The following ANO10 variants were observed in gnomAD, a reference collection of about 807,000 sequenced individuals.
ANO10 encodes anoctamin 10.
ANO10 carries 77 observed loss-of-function variants against 74.7 expected under a neutral mutation model. The ratio of observed to expected loss-of-function variants is 1.03; its 90% CI spans 0.86 to 1.25. ANO10 has a LOEUF of 1.25. ANO10 is among the 50% of genes most tolerant of loss of function. ANO10 has a pLI of 0.00. For synonymous variants in ANO10, 279 were observed against 284.9 expected (o/e 0.98, Z 0.21); for missense variants, 721 against 778.1 (o/e 0.93, Z 0.87).
chr3:43,498,743 G>A (rs2076999239), intron 11 of ANO10, among the ~76,000 whole-genome samples: 1 of 152,190 alleles, frequency 6.6e-6, no homozygotes, highest in Non-Finnish European at 1.5e-5. Context: ...CATCCCCAGG[G>A]AGAAGCAAAG....
rs1491260769 is a variant in ANO10, at chr3:43,386,649, G to GTGTA, written c.1915-19676_1915-19675insTACA. On this transcript the variant is annotated intron_variant, in intron 12 of 12. Transcript: ENST00000292246. Reference sequence around the variant, plus strand: ...TTGAAAGTTGTGTGTAGGTGTGTACGTGTGTGTGTGTGTGTGTGTGTGTGT... The same window carrying GTGTA: ...TTGAAAGTTGTGTGTAGGTGTGTACGTGTATGTGTGTGTGTGTGTGTGTGTGTGT... 2.9e-4 allele frequency among the ~76,000 whole-genome samples: 3 copies of GTGTA among 10,188 alleles called. No individual in the cohort carries two copies. In the East Asian group the frequency reaches 3.3e-3, roughly 11 times the overall value. The allele number at this position is 10,188 out of a possible 152,430, so 6.7% of individuals were successfully genotyped here.
chr3:43,410,550 G>A (rs1220831493), intron 12 of ANO10, among the ~76,000 whole-genome samples: 2 of 152,102 alleles, frequency 1.3e-5, no homozygotes, highest in African/African-American at 4.8e-5. Flanking sequence ...GATTGCAATG[G>A]AACCTTTTAT....
intron 11 of ANO10, among the ~76,000 whole-genome samples, chr3:43,456,177 G>A (rs768714522): frequency 6.6e-6 from 1 of 152,140 alleles, no homozygotes; most frequent in Non-Finnish European, 1.5e-5. Context: ...GTCATTAGGA[G>A]GAAAGGAAAA....
intron 12 of ANO10, among the ~76,000 whole-genome samples, chr3:43,400,087 C>T (rs1326716372): frequency 6.6e-6 from 1 of 152,130 alleles, no homozygotes; most frequent in Non-Finnish European, 1.5e-5. Flanking sequence ...ATTCTGCTTT[C>T]TATGTTACAA....
chr3:43,447,852 T>C (rs1034612787), intron 11 of ANO10, among the ~76,000 whole-genome samples: 1 of 152,240 alleles, frequency 6.6e-6, no homozygotes, highest in African/African-American at 2.4e-5. Context: ...ACTGATACTT[T>C]ATTATCAACC....
At chr3:43,510,931 T>C (rs559238687) in intron 11 of ANO10, among the ~76,000 whole-genome samples, 1 of 152,298 alleles carries the variant, frequency 6.6e-6, no homozygotes, top group East Asian at 1.9e-4. Context: ...TAGGACACAA[T>C]CATATTTAGT....
chr3:43,388,177 A>G (rs1290305431), intron 12 of ANO10, among the ~76,000 whole-genome samples: 1 of 152,206 alleles, frequency 6.6e-6, no homozygotes, highest in Non-Finnish European at 1.5e-5. Context: ...TGTGACTAAC[A>G]ACCCCTGTGT....
At chr3:43,441,379 A>G (rs2093157437) in intron 11 of ANO10, among the ~76,000 whole-genome samples, 1 of 152,084 alleles carries the variant, frequency 6.6e-6, no homozygotes, top group Admixed American at 6.6e-5. Flanking sequence ...ATAGACTACT[A>G]AGAACAATTA....
At chr3:43,414,535 C>T (rs2092709255) in intron 12 of ANO10, among the ~76,000 whole-genome samples, 1 of 152,108 alleles carries the variant, frequency 6.6e-6, no homozygotes, top group Non-Finnish European at 1.5e-5. Context: ...GACCTGATAC[C>T]ACTCTTCATT....
chr3:43,690,381 G>A (rs540682018), intron 1 of ANO10: 1 of 152,418 alleles, frequency 6.6e-6, no homozygotes, highest in African/African-American at 2.4e-5. Flanking sequence ...ACCCTCCCAG[G>A]TATCTAGAGA....
At chr3:43,690,925 CCCGGGGCGGCCCAGTCGGCCTGTCAG>C (rs1427461398) in intron 1 of ANO10, 27 of 1,505,438 alleles carry the variant, frequency 1.8e-5, no homozygotes, top group Non-Finnish European at 2.2e-5. Context: ...GCCGCGCCAG[CCCGGGGCGGCCCAGTCGGCCTGTCAG>C]CCGGCTTCGA....
At chr3:43,639,456 A>G (rs992434429) in intron 1 of ANO10, among the ~76,000 whole-genome samples, 5 of 152,180 alleles carry the variant, frequency 3.3e-5, no homozygotes, top group Non-Finnish European at 5.9e-5. Context: ...TGAAGAATCA[A>G]TTTGTGATGA....
chr3:43,535,874 T>C (rs912153863), intron 11 of ANO10, among the ~76,000 whole-genome samples: 2 of 152,174 alleles, frequency 1.3e-5, no homozygotes, highest in Non-Finnish European at 2.9e-5. Context: ...ACTTTAAAGA[T>C]TATAAAACTC....
rs1310556861 is a variant in ANO10 at position 43,643,678 on chromosome 3, C to CT, written c.-11-37816dup. ...AAGCTTTTCATGTACTTGTCCTCATCTTTTCTTTTTTTTTTTTTTTTTTTA... is the reference window on the plus strand; with the variant it reads ...AAGCTTTTCATGTACTTGTCCTCATCTTTTTCTTTTTTTTTTTTTTTTTTTA... On this transcript the variant is annotated intron_variant, in intron 1 of 3. Transcript: ENST00000413397. Among the ~76,000 whole-genome samples the CT allele has an allele frequency of 2.5e-3, 336 of 133,578 alleles. 22 individuals are homozygous for CT. Among genetic ancestry groups the CT allele is most frequent in the African/African-American group, 9.3e-3 (299 of 32,094 alleles). 87.6% of individuals were successfully genotyped at this position (133,578 alleles called of 152,430 possible).
chr3:43,472,965 G>T (rs919876156), intron 11 of ANO10, among the ~76,000 whole-genome samples: 3 of 152,052 alleles, frequency 2.0e-5, no homozygotes, highest in Admixed American at 2.0e-4. Flanking sequence ...GCAAATATAA[G>T]CAAAATGATA....
rs183090420 is a variant in ANO10, at chr3:43,615,002, T to C, written c.-12+6907A>G. Reference sequence around the variant, plus strand: ...ATTAATACTGAGATACAGACCCAACTATATTTATTAACATGGAGAGATTTC... The same window carrying C: ...ATTAATACTGAGATACAGACCCAACCATATTTATTAACATGGAGAGATTTC... On this transcript the variant is annotated intron_variant, in intron 1 of 12. Coordinates refer to ENST00000292246, the MANE Select transcript of ANO10 (RefSeq NM_018075.5). Among the ~76,000 whole-genome samples, 790 of 151,222 alleles carry C rather than the reference T, an allele frequency of 5.2e-3. 8 individuals carry two copies. Among genetic ancestry groups the C allele is most frequent in the African/African-American group, 0.018 (731 of 41,352 alleles).
At chr3:43,596,700 T>G (rs1198088904) in intron 4 of ANO10, among the ~76,000 whole-genome samples, 1 of 152,282 alleles carries the variant, frequency 6.6e-6, no homozygotes, top group South Asian at 2.1e-4. Context: ...GACATAGGCA[T>G]GGGCAAGGAC....
At chr3:43,597,041 A>C (rs2082121432) in intron 4 of ANO10, among the ~76,000 whole-genome samples, 1 of 152,240 alleles carries the variant, frequency 6.6e-6, no homozygotes, top group Non-Finnish European at 1.5e-5. Flanking sequence ...CATCAGAGAA[A>C]TGCAAATCAA....
intron 1 of ANO10, among the ~76,000 whole-genome samples, chr3:43,662,240 G>A (rs2083934761): frequency 6.6e-6 from 1 of 152,168 alleles, no homozygotes; most frequent in Non-Finnish European, 1.5e-5. Flanking sequence ...TTAGAACTCA[G>A]GATTAAGAAT....
Sources: gnomAD v4.1 joint callset for allele counts (sites outside exome capture counted in the v4.1 genomes callset) on GRCh38, gnomAD v4.1.1 for gene constraint, MANE v1.5 for transcripts, NCBI Gene and HGNC (gene_info 2026-07-23, HGNC 2026-07-21) for gene names.